MAST4: variants seen among roughly 807,000 people sequenced by gnomAD.
The protein encoded by MAST4 is microtubule-associated serine/threonine-protein kinase 4.
In MAST4, 89 loss-of-function variants were observed where a neutral mutation model predicts 162.7. The ratio of observed to expected loss-of-function variants is 0.55; its 90% confidence interval spans 0.46 to 0.65. The LOEUF (loss-of-function observed/expected upper bound fraction) is 0.65, where lower values mean the gene tolerates loss of function less well. Ranked by LOEUF, MAST4 falls within the 30% of genes least tolerant of loss-of-function variation. The pLI is 0.00. For synonymous variants in MAST4, 1,479 were observed against 1,361.1 expected (o/e 1.09, Z -1.91); for missense variants, 3,153 against 3,374.0 (o/e 0.93, Z 1.62).
intron 4 of MAST4, among the ~76,000 whole-genome samples, chr5:66,943,287 T>C (rs1008801721): frequency 1.3e-5 from 2 of 152,142 alleles, no homozygotes; most frequent in Non-Finnish European, 2.9e-5. Flanking sequence ...ATAATGCACA[T>C]TGGGTGGTAG....
At chr5:66,627,550 C>T (rs1239575272) in intron 1 of MAST4, among the ~76,000 whole-genome samples, 1 of 152,090 alleles carries the variant, frequency 6.6e-6, no homozygotes, top group Admixed American at 6.5e-5. Context: ...ACATTGTGTT[C>T]GTGTGAGAAT....
chr5:66,999,824 A>G (rs1050711611), intron 4 of MAST4, among the ~76,000 whole-genome samples: 2 of 152,146 alleles, frequency 1.3e-5, no homozygotes. Context: ...CCAGGATGAT[A>G]CAACCTTGCC....
At position 66,784,263 on chromosome 5, in the gene MAST4, A is replaced by G. The variant is rs115553438; in HGVS notation, c.518-4407A>G. On this transcript the variant is annotated intron_variant, in intron 2 of 28. Coordinates refer to ENST00000403625, the MANE Select transcript of MAST4 (RefSeq NM_001164664.2). ...CCAGTTTGCCATGCAAGAATACAAAACACATTTTTTGCTAGGAATTATTAA... is the reference window on the plus strand; with the variant it reads ...CCAGTTTGCCATGCAAGAATACAAAGCACATTTTTTGCTAGGAATTATTAA... 4.5e-3 allele frequency among the ~76,000 whole-genome samples: 689 copies of G among 152,270 alleles called. 4 individuals carry two copies. The highest frequency in any genetic ancestry group is 0.016 in the African/African-American group (672 of 41,552).
chr5:66,716,483 C>T (rs1024327056), intron 1 of MAST4, among the ~76,000 whole-genome samples: 7 of 151,588 alleles, frequency 4.6e-5, no homozygotes, highest in Admixed American at 4.6e-4. Context: ...GTAGCTGGGA[C>T]TACAGGTGTA....
At chr5:66,773,376 A>G (rs1754444465) in intron 2 of MAST4, among the ~76,000 whole-genome samples, 1 of 152,170 alleles carries the variant, frequency 6.6e-6, no homozygotes, top group South Asian at 2.1e-4. Context: ...CTATTCTTTG[A>G]CAGTATTGTC....
chr5:66,615,782 T>C (rs1453538168), intron 1 of MAST4, among the ~76,000 whole-genome samples: 1 of 152,146 alleles, frequency 6.6e-6, no homozygotes, highest in East Asian at 1.9e-4. Context: ...CACTGCAATC[T>C]GGGCAACAGA....
chr5:66,824,966 T>A (rs770254722), intron 3 of MAST4, among the ~76,000 whole-genome samples: 6 of 152,150 alleles, frequency 3.9e-5, no homozygotes, highest in Non-Finnish European at 8.8e-5. Context: ...GGTGAGTGAA[T>A]GTGAAGGCCT....
chr5:67,098,552 T>G (rs1398341980), intron 7 of MAST4, among the ~76,000 whole-genome samples: 1 of 152,104 alleles, frequency 6.6e-6, no homozygotes, highest in African/African-American at 2.4e-5. Context: ...AATGATATGA[T>G]TTAATAAAAA....
chr5:66,973,372 T>C (rs1482572725), intron 4 of MAST4, among the ~76,000 whole-genome samples: 2 of 152,164 alleles, frequency 1.3e-5, no homozygotes, highest in African/African-American at 4.8e-5. Context: ...TCTCCTTCAA[T>C]TGAGAAAGTT....
intron 18 of MAST4, 69 bp from the exon 19 acceptor site, chr5:67,136,494 T>G: frequency 8.8e-7 from 1 of 1,136,640 alleles, no homozygotes; most frequent in Non-Finnish European, 1.3e-6. Context: ...TCCCAGGTGA[T>G]GTCCATGTTG....
chr5:66,728,218 GGAGCCTTTCT>G (rs1751638578), intron 1 of MAST4, among the ~76,000 whole-genome samples: 1 of 152,102 alleles, frequency 6.6e-6, no homozygotes, highest in African/African-American at 2.4e-5. Context: ...GGAAAGATAT[GGAGCCTTTCT>G]CACTTTCATA....
At chr5:66,761,090 T>A (rs561536601) in intron 2 of MAST4, among the ~76,000 whole-genome samples, 7 of 152,336 alleles carry the variant, frequency 4.6e-5, no homozygotes, top group African/African-American at 1.7e-4. Flanking sequence ...TTGCCAGTTT[T>A]AAAAATTTTA....
In MAST4 at chr5:67,167,267, A is replaced by C. The variant is rs80054021; in HGVS notation, c.*216A>C. 3 of 159,716 alleles carry C rather than the reference A, an allele frequency of 1.9e-5. No homozygotes were observed. Among genetic ancestry groups the C allele is most frequent in the Non-Finnish European group, 2.0e-5 (2 of 97,628 alleles). The allele number at this position is 159,716 out of a possible 1,614,324, so 9.9% of individuals were successfully genotyped here. The stretch of plus-strand genomic sequence containing the variant: ...CTGTTACCAGATAGTGTTTGTACAA[A>C]AAAAAAAAAAAAAAAAAAAAAAAAA... On this transcript the variant is annotated 3_prime_UTR_variant, in exon 29 of 29. Coordinates refer to ENST00000403625, the MANE Select transcript of MAST4 (RefSeq NM_001164664.2).
intron 3 of MAST4, among the ~76,000 whole-genome samples, chr5:66,827,770 T>A (rs766389027): frequency 1.2e-4 from 19 of 152,244 alleles, no homozygotes; most frequent in African/African-American, 1.9e-4. Flanking sequence ...TTAGACAAAG[T>A]ACAGTTGGTC....
At chr5:66,609,416 G>A (rs1743129201) in intron 1 of MAST4, among the ~76,000 whole-genome samples, 3 of 130,176 alleles carry the variant, frequency 2.3e-5, no homozygotes, top group Admixed American at 8.3e-5. Context: ...TTTTGAGACA[G>A]CCTGGCTCTG....
At chr5:67,038,724 T>A (rs13171572) in intron 4 of MAST4, among the ~76,000 whole-genome samples, 37,249 of 152,072 alleles carry the variant, frequency 0.24, 4,908 homozygotes, top group African/African-American at 0.3. Context: ...TAGGTGCTCA[T>A]GTGATTTTTT....
intron 1 of MAST4, among the ~76,000 whole-genome samples, chr5:66,727,650 G>A (rs1319938431): frequency 6.6e-6 from 1 of 152,174 alleles, no homozygotes. Context: ...ACACAAGGAT[G>A]GTTATTTGTG....
intron 1 of MAST4, among the ~76,000 whole-genome samples, chr5:66,687,779 C>T (rs935429263): frequency 4.6e-5 from 7 of 151,246 alleles, no homozygotes; most frequent in East Asian, 1.9e-4. Context: ...CGTAACAGAC[C>T]AGGAATCTTT....
intron 3 of MAST4, among the ~76,000 whole-genome samples, chr5:66,802,016 G>T (rs1755946174): frequency 6.6e-6 from 1 of 152,140 alleles, no homozygotes; most frequent in Admixed American, 6.5e-5. Flanking sequence ...AGCATGTTAA[G>T]AATATAAATT....
Sources: gnomAD v4.1 joint callset for allele counts (sites outside exome capture counted in the v4.1 genomes callset) on GRCh38, gnomAD v4.1.1 for gene constraint, MANE v1.5 for transcripts, NCBI Gene and HGNC (gene_info 2026-07-23, HGNC 2026-07-21) for gene names.